MOCS1: variants seen among roughly 807,000 people sequenced by gnomAD.
The protein encoded by MOCS1 is molybdenum cofactor synthesis 1.
In MOCS1, 39 loss-of-function variants were observed where a neutral mutation model predicts 57.6. The ratio of observed to expected loss-of-function variants is 0.68; its 90% CI spans 0.52 to 0.88. The LOEUF (loss-of-function observed/expected upper bound fraction) is 0.88, where lower values mean the gene tolerates loss of function less well. Among genes scored for constraint, MOCS1 ranks in the 40% least tolerant of loss-of-function variants. The pLI is 0.00. For synonymous variants in MOCS1, 334 were observed against 335.7 expected (o/e 1.00, Z 0.05); for missense variants, 795 against 831.1 (o/e 0.96, Z 0.53).
chr6:39,918,057 T>G (rs1304521143), intron 3 of MOCS1, among the ~76,000 whole-genome samples: 2 of 152,192 alleles, frequency 1.3e-5, no homozygotes, highest in Non-Finnish European at 2.9e-5. Context: ...TCATAGGTGA[T>G]TTTTGTATTT....
chr6:39,906,855 G>A lies in MOCS1; in HGVS notation c.1413C>T (p.Ala471=), dbSNP rs745789021. The change falls in exon 11 of 11, where the codon GCC becomes GCT. Residue 471 remains alanine (A), a synonymous_variant. Coordinates refer to ENST00000340692, the MANE Select transcript of MOCS1 (RefSeq NM_001358530.2). Reference sequence around the variant, plus strand: ...CTGAGGTTAGCTGGGGTCCTGAGGGGGCAGCAGAAGCCCAGGAACCTGGGC... The same window carrying A: ...CTGAGGTTAGCTGGGGTCCTGAGGGAGCAGCAGAAGCCCAGGAACCTGGGC... The part of the protein sequence containing the change: ...CLSPGSWASA[A]PSGPQLTSEQ... The A allele has an allele frequency of 1.1e-4, 176 of 1,614,078 alleles. 1 individual carries two copies. The highest frequency in any genetic ancestry group is 1.6e-4 in the Middle Eastern group (1 of 6,084).
At chr6:39,931,205 G>C (rs915092830) in intron 1 of MOCS1, among the ~76,000 whole-genome samples, 2 of 150,154 alleles carry the variant, frequency 1.3e-5, no homozygotes, top group Non-Finnish European at 3.0e-5. Context: ...GCAGATTAGG[G>C]TGAAGGGGGT....
intron 7 of MOCS1, 106 bp from the exon 8 acceptor site, chr6:39,912,480 G>C: frequency 4.8e-6 from 4 of 840,298 alleles, no homozygotes; most frequent in Non-Finnish European, 8.2e-6. Context: ...CCCTCTCCCA[G>C]AGGACCCCAC....
chr6:39,905,542 CTTTA>C lies in MOCS1; in HGVS notation c.*811_*814del, dbSNP rs1254779631. 2.1e-6 allele frequency: 1 copy of C among 471,116 alleles called. No homozygotes were observed. The highest frequency in any genetic ancestry group is 3.2e-4 in the Middle Eastern group (1 of 3,078). The allele number at this position is 471,116 out of a possible 1,614,324, so 29.2% of individuals were successfully genotyped here. On this transcript the variant is annotated 3_prime_UTR_variant, in exon 11 of 11. Transcript: ENST00000340692. The stretch of plus-strand genomic sequence containing the variant: ...TGCATCTGCAAAGTTGGCATCGTAG[CTTTA>C]TTTGTGCGCTGTGAGGGTGAAGGCA...
intron 3 of MOCS1, among the ~76,000 whole-genome samples, chr6:39,919,516 A>G (rs969058131): frequency 1.9e-5 from 2 of 105,252 alleles, no homozygotes; most frequent in African/African-American, 3.3e-5. Flanking sequence ...AAAAACAGCA[A>G]CAAAAAAAAA....
At chr6:39,915,080 C>T (rs370017469) in intron 4 of MOCS1, among the ~76,000 whole-genome samples, 4 of 152,308 alleles carry the variant, frequency 2.6e-5, no homozygotes, top group South Asian at 4.1e-4. Context: ...TTCTTTCTTC[C>T]TCTCTGTAAC....
At position 39,906,271 on chromosome 6, in the gene MOCS1, G is replaced by A. The variant is rs764916903; in HGVS notation, c.*86C>T. ...CTCAAGGTAAACAAACAGTGACTGT[G>A]ATTAAAGGAACCTGACGTCTTTCCC... On this transcript the variant is annotated 3_prime_UTR_variant, in exon 11 of 11. Coordinates refer to ENST00000340692, the MANE Select transcript of MOCS1 (RefSeq NM_001358530.2). 6.5e-7 allele frequency: 1 copy of A among 1,535,978 alleles called. No individual in the cohort carries two copies.
rs968959229 is a variant in MOCS1 at position 39,906,824 on chromosome 6, G to C, written c.1444C>G (p.Leu482Val). The C allele has an allele frequency of 2.5e-6, 4 of 1,614,076 alleles. No homozygotes were observed. The African/African-American group carries it at 4.0e-5, about 16-fold the overall frequency. The change falls in exon 11 of 11, where the codon CTA becomes GTA. Residue 482 changes from leucine to valine, a missense_variant. By Grantham distance (32) the Leu-to-Val change is conservative (BLOSUM62 1). Around this residue, in one of 3 missense-constraint regions of MOCS1, gnomAD observed 374 missense variants for 422.6 expected, o/e 0.89. Coordinates refer to ENST00000340692, the MANE Select transcript of MOCS1 (RefSeq NM_001358530.2). ...PSGPQLTSEQ[L>V]THVDSEGRAA... ...CGTCCTTCCGAGTCCACATGAGTTA[G>C]TTGTTCTGAGGTTAGCTGGGGTCCT...
At position 39,904,459 on chromosome 6, in the gene MOCS1, C is replaced by T. The variant is rs767920268; in HGVS notation, c.*1898G>A. 1.3e-5 allele frequency: 6 copies of T among 454,584 alleles called. No individual in the cohort carries two copies. Among genetic ancestry groups the T allele is most frequent in the Non-Finnish European group, 2.6e-5 (6 of 226,962 alleles). The allele number at this position is 454,584 out of a possible 1,614,324, so 28.2% of individuals were successfully genotyped here. On this transcript the variant is annotated 3_prime_UTR_variant, in exon 11 of 11. Coordinates refer to ENST00000340692, the MANE Select transcript of MOCS1 (RefSeq NM_001358530.2). ...TTTCTTGGTCTTGCTTTCTTCATGC[C>T]CTCCCCACTGCTCCTGCCACCTTTA...
chr6:39,909,570 T>TC (rs1490537320), intron 9 of MOCS1, among the ~76,000 whole-genome samples: 1 of 151,980 alleles, frequency 6.6e-6, no homozygotes, highest in Non-Finnish European at 1.5e-5. Context: ...CACCCCCTTC[T>TC]CCCCACCTAG....
chr6:39,921,574 CCCA>C (rs1485683345), intron 3 of MOCS1, among the ~76,000 whole-genome samples: 2 of 152,052 alleles, frequency 1.3e-5, no homozygotes, highest in Admixed American at 1.3e-4. Context: ...GCAACTGGAG[CCCA>C]CCAAAAATAA....
rs992754012 is a variant in MOCS1, at chr6:39,913,222, C to A, written c.757+95G>T. 1.1e-4 allele frequency: 123 copies of A among 1,094,782 alleles called. 1 individual carries two copies. The highest frequency in any genetic ancestry group is 1.7e-4 in the Non-Finnish European group (121 of 711,856). 67.8% of individuals were successfully genotyped at this position (1,094,782 alleles called of 1,614,324 possible). On this transcript the variant is annotated intron_variant, in intron 6 of 10. Coordinates refer to ENST00000340692, the MANE Select transcript of MOCS1 (RefSeq NM_001358530.2). ...CCCATCATAATCCTAGACTCACTGC[C>A]CCTGAGGTCAGCCATACCCAGTGGG... is the stretch of plus-strand genomic sequence containing the variant.
chr6:39,933,728 G>A (rs898424602), intron 1 of MOCS1, among the ~76,000 whole-genome samples: 5 of 152,034 alleles, frequency 3.3e-5, no homozygotes, highest in Admixed American at 2.0e-4. Context: ...AAGAAGCCAC[G>A]TCCTGCCCTG....
rs1582811992 is a variant in MOCS1, at chr6:39,913,059, C to T, written c.758-55G>A. On this transcript the variant is annotated intron_variant, in intron 6 of 10. Coordinates refer to ENST00000340692, the MANE Select transcript of MOCS1 (RefSeq NM_001358530.2). ...AGCTTCTGAATCACAGTTGAAGGGGCCCCGGGGTCTTTGAGTCCATCCCCT... is the reference window on the plus strand; with the variant it reads ...AGCTTCTGAATCACAGTTGAAGGGGTCCCGGGGTCTTTGAGTCCATCCCCT... 28 of 1,493,010 alleles carry T rather than the reference C, an allele frequency of 1.9e-5. No homozygotes were observed. The East Asian group carries it at 5.6e-4, about 30-fold the overall frequency. The allele number at this position is 1,493,010 out of a possible 1,614,324, so 92.5% of individuals were successfully genotyped here.
intron 4 of MOCS1, among the ~76,000 whole-genome samples, chr6:39,915,141 CT>C (rs1391291558): frequency 6.6e-6 from 1 of 152,188 alleles, no homozygotes; most frequent in Admixed American, 6.5e-5. Flanking sequence ...GGAATGACAT[CT>C]TTTGGCCCTT....
At chr6:39,913,263 G>T in intron 6 of MOCS1, 54 bp downstream of exon 6, 1 of 1,491,612 alleles carries the variant, frequency 6.7e-7, no homozygotes. Context: ...CACACTATGC[G>T]ACCTGCAGGC....
At chr6:39,927,594 T>C in intron 1 of MOCS1, 139 bp from the exon 2 acceptor site, 1 of 1,605,668 alleles carries the variant, frequency 6.2e-7, no homozygotes, top group South Asian at 1.1e-5. Context: ...GGCTCTGCAA[T>C]GTTGGGGAAG....
In MOCS1 at chr6:39,913,810, G is replaced by A. The variant is rs747247199; in HGVS notation, c.609C>T (p.Ile203=). The A allele has an allele frequency of 9.9e-6, 16 of 1,614,098 alleles. No homozygotes were observed. In the South Asian group the frequency reaches 1.8e-4, roughly 18 times the overall value. The change falls in exon 5 of 11, where the codon ATC becomes ATT. Residue 203 remains isoleucine, a synonymous_variant. Transcript: ENST00000340692. ...RKGFHKVMEG[I]HKAIELGYNP... is the part of the protein sequence containing the mutation. ...TGTAGCCCAGCTCGATGGCCTTGTG[G>A]ATGCCCTCCATGACCTTGTGGAAGC...
At chr6:39,914,288 C>G (rs1356046701) in intron 4 of MOCS1, among the ~76,000 whole-genome samples, 1 of 152,156 alleles carries the variant, frequency 6.6e-6, no homozygotes, top group East Asian at 1.9e-4. Context: ...TCTAGTTGAA[C>G]CCTCTTGTAG....
Sources: allele counts gnomAD v4.1 joint callset (sites outside exome capture counted in the v4.1 genomes callset), GRCh38; gene constraint gnomAD v4.1.1; regional missense constraint gnomAD v4.1.1; transcripts MANE v1.5; gene names NCBI Gene and HGNC (gene_info 2026-07-23, HGNC 2026-07-21).